Variants in POU2AF2 observed in about 807,000 individuals in gnomAD.
POU2AF2 encodes the protein POU domain class 2-associating factor 2.
chr11:111,247,758 G>T, the POU2AF2 span, among the ~76,000 whole-genome samples: 4 of 151,808 alleles, frequency 2.6e-5, no homozygotes, highest in Non-Finnish European at 5.9e-5. Flanking sequence ...CTGCACTCCA[G>T]CCTGGTGACA....
the POU2AF2 span, chr11:111,286,275 A>G: frequency 3.9e-6 from 2 of 514,164 alleles, no homozygotes; most frequent in Non-Finnish European, 6.6e-6. Flanking sequence ...TTCTAGTAAG[A>G]TAACCTTACA....
At chr11:111,276,453 A>ATAT in the POU2AF2 span, among the ~76,000 whole-genome samples, 87 of 37,636 alleles carry the variant, frequency 2.3e-3, 1 homozygote, top group African/African-American at 6.6e-3. Context: ...AAAAAAAAAA[A>ATAT]ATATATATAT....
the POU2AF2 span, among the ~76,000 whole-genome samples, chr11:111,270,311 T>C: frequency 6.6e-6 from 1 of 152,236 alleles, no homozygotes; most frequent in Non-Finnish European, 1.5e-5. Flanking sequence ...CAAAATCCCT[T>C]CCTGAGAGAG....
At chr11:111,255,907 C>T in the POU2AF2 span, 1 of 398,336 alleles carries the variant, frequency 2.5e-6, no homozygotes, top group East Asian at 3.6e-5. Flanking sequence ...CAATGATCAG[C>T]CCCCTAAACA....
At chr11:111,258,179 A>G in the POU2AF2 span, among the ~76,000 whole-genome samples, 1 of 152,216 alleles carries the variant, frequency 6.6e-6, no homozygotes, top group East Asian at 1.9e-4. Flanking sequence ...TGAGAGAGAG[A>G]GAGAGAAGGA....
At chr11:111,255,690 C>T in the POU2AF2 span, among the ~76,000 whole-genome samples, 1 of 152,148 alleles carries the variant, frequency 6.6e-6, no homozygotes, top group African/African-American at 2.4e-5. Flanking sequence ...AATTTGTAAA[C>T]CTTGCCAGAG....
At chr11:111,264,499 A>G in the POU2AF2 span, among the ~76,000 whole-genome samples, 2 of 7,920 alleles carry the variant, frequency 2.5e-4, no homozygotes, top group African/African-American at 7.1e-4. Flanking sequence ...CACGAAAGAA[A>G]GAAAGAAAGA....
chr11:111,284,123 T>C, the POU2AF2 span: 1 of 1,614,206 alleles, frequency 6.2e-7, no homozygotes. Context: ...ATCTTTCTTA[T>C]CTGACTCAGA....
chr11:111,266,369 A>G, the POU2AF2 span, among the ~76,000 whole-genome samples: 1 of 151,808 alleles, frequency 6.6e-6, no homozygotes, highest in Non-Finnish European at 1.5e-5. Context: ...TGGCACCCCT[A>G]CCCCCAACAT....
At chr11:111,277,526 T>C in the POU2AF2 span, among the ~76,000 whole-genome samples, 4 of 152,222 alleles carry the variant, frequency 2.6e-5, no homozygotes, top group Non-Finnish European at 4.4e-5. Flanking sequence ...TGACATAGAC[T>C]GGGCTCTCTC....
the POU2AF2 span, among the ~76,000 whole-genome samples, chr11:111,278,421 T>C: frequency 6.6e-6 from 1 of 152,242 alleles, no homozygotes; most frequent in African/African-American, 2.4e-5. Context: ...AATTCAAATG[T>C]TGAGGTGCTA....
chr11:111,260,361 C>T, the POU2AF2 span, among the ~76,000 whole-genome samples: 3 of 152,170 alleles, frequency 2.0e-5, no homozygotes, highest in African/African-American at 7.2e-5. Flanking sequence ...CCCCAAAGAT[C>T]CCATGCCAAA....
chr11:111,276,201 A>G, the POU2AF2 span, among the ~76,000 whole-genome samples: 1 of 151,954 alleles, frequency 6.6e-6, no homozygotes, highest in Non-Finnish European at 1.5e-5. Flanking sequence ...ATCTGCCTCT[A>G]GATAAAATGA....
At chr11:111,279,118 C>T in the POU2AF2 span, among the ~76,000 whole-genome samples, 45 of 152,258 alleles carry the variant, frequency 3.0e-4, no homozygotes, top group African/African-American at 9.6e-4. Context: ...CAGGACATCT[C>T]GGAGCCATGA....
the POU2AF2 span, among the ~76,000 whole-genome samples, chr11:111,262,639 C>T: frequency 3.3e-5 from 5 of 152,286 alleles, no homozygotes; most frequent in Non-Finnish European, 7.4e-5. Context: ...AGAGAAGCTG[C>T]TCCTTCTTTC....
chr11:111,285,151 G>A, the POU2AF2 span, among the ~76,000 whole-genome samples: 1 of 152,154 alleles, frequency 6.6e-6, no homozygotes, highest in Non-Finnish European at 1.5e-5. Context: ...AATCTTTCTA[G>A]CTCCAAACTT....
chr11:111,262,153 G>A, the POU2AF2 span, among the ~76,000 whole-genome samples: 1 of 152,152 alleles, frequency 6.6e-6, no homozygotes, highest in Admixed American at 6.5e-5. Flanking sequence ...TGTCAGCTGG[G>A]TTTCTTGGTT....
chr11:111,253,005 T>C, the POU2AF2 span, among the ~76,000 whole-genome samples: 1 of 152,224 alleles, frequency 6.6e-6, no homozygotes, highest in Admixed American at 6.5e-5. Flanking sequence ...TTTTTCTGTC[T>C]TTATCTTCCT....
the POU2AF2 span, among the ~76,000 whole-genome samples, chr11:111,274,284 C>T: frequency 6.6e-6 from 1 of 152,126 alleles, no homozygotes; most frequent in African/African-American, 2.4e-5. Context: ...GGTCCATTAT[C>T]ACTGACTTTT....
Sources: allele counts gnomAD v4.1 joint callset (sites outside exome capture counted in the v4.1 genomes callset), GRCh38; gene constraint gnomAD v4.1.1; transcripts MANE v1.5; gene names NCBI Gene and HGNC (gene_info 2026-07-23, HGNC 2026-07-21).